The following ABI2 variants were observed in gnomAD, a reference collection of about 807,000 sequenced individuals.
ABI2 encodes the protein abl interactor 2.
ABI2 carries 25 observed loss-of-function variants against 59.2 expected under a neutral mutation model. The observed-to-expected ratio is 0.42, with a 90% CI of 0.31 to 0.59. The LOEUF (loss-of-function observed/expected upper bound fraction) is 0.59, where lower values mean the gene tolerates loss of function less well. Among genes scored for constraint, ABI2 ranks in the 20% least tolerant of loss-of-function variants. ABI2 has a pLI of 0.14. For missense variants in ABI2, 545 were observed against 681.8 expected (o/e 0.80, Z 2.23); for synonymous variants, 213 against 235.5 (o/e 0.90, Z 0.87).
At chr2:203,339,301 C>T (rs1185357039) in intron 1 of ABI2, among the ~76,000 whole-genome samples, 1 of 151,572 alleles carries the variant, frequency 6.6e-6, no homozygotes, top group Admixed American at 6.6e-5. Context: ...TGGTTCCGGC[C>T]GGGTGTGGTG....
At chr2:203,422,547 G>A (rs1367699558) in intron 11 of ABI2, among the ~76,000 whole-genome samples, 2 of 152,194 alleles carry the variant, frequency 1.3e-5, no homozygotes, top group Non-Finnish European at 2.9e-5. Context: ...TGGCTCCACA[G>A]AAGCGTAGTA....
intron 8 of ABI2, among the ~76,000 whole-genome samples, chr2:203,399,115 A>G (rs1021021305): frequency 1.3e-5 from 2 of 152,130 alleles, no homozygotes; most frequent in Admixed American, 1.3e-4. Context: ...GTCATAAGAA[A>G]CTGCCAAGTT....
In ABI2 at chr2:203,359,844, T is replaced by C. The variant is rs1428605879; in HGVS notation, c.118-7033T>C. Among the ~76,000 whole-genome samples the C allele has an allele frequency of 5.0e-5, 3 of 59,872 alleles. No individual in the cohort carries two copies. The East Asian group carries it at 7.1e-4, about 14-fold the overall frequency. 39.3% of individuals were successfully genotyped at this position (59,872 alleles called of 152,430 possible). A position where few individuals can be genotyped will look rare whatever the true frequency, so the allele number is the denominator to read the frequency against. On this transcript the variant is annotated intron_variant, in intron 1 of 11. Transcript: ENST00000261018. Reference sequence around the variant, plus strand: ...GTGTTAGGTTCCAACATGTACATTTTTGGGGGGGGGACACAAAAATTCAGA... The same window carrying C: ...GTGTTAGGTTCCAACATGTACATTTCTGGGGGGGGGACACAAAAATTCAGA...
chr2:203,417,843 A>G (rs1023551630), intron 11 of ABI2, among the ~76,000 whole-genome samples: 18 of 152,206 alleles, frequency 1.2e-4, no homozygotes, highest in African/African-American at 4.3e-4. Context: ...ACATTGAACA[A>G]CAGGCACTGG....
At chr2:203,419,044 T>A (rs2098052256) in intron 11 of ABI2, among the ~76,000 whole-genome samples, 1 of 151,492 alleles carries the variant, frequency 6.6e-6, no homozygotes, top group East Asian at 1.9e-4. Context: ...TTCAAAGTAA[T>A]GAAGGAAAAT....
intron 11 of ABI2, among the ~76,000 whole-genome samples, chr2:203,420,612 C>T (rs974097251): frequency 5.3e-5 from 8 of 152,094 alleles, no homozygotes; most frequent in Non-Finnish European, 1.2e-4. Flanking sequence ...CCAGGATGGT[C>T]TCAATCTCCT....
intron 9 of ABI2, among the ~76,000 whole-genome samples, chr2:203,404,995 T>C (rs1330669556): frequency 6.6e-6 from 1 of 152,260 alleles, no homozygotes; most frequent in Non-Finnish European, 1.5e-5. Context: ...ATAGTTTCTT[T>C]GTAAATCTGA....
intron 8 of ABI2, 114 bp downstream of exon 8, chr2:203,397,081 TAAG>T: frequency 8.0e-7 from 1 of 1,253,514 alleles, no homozygotes; most frequent in East Asian, 3.1e-5. Context: ...TAAAAAAAAA[TAAG>T]AATAATGTAC....
intron 5 of ABI2, 26 bp from the exon 6 acceptor site, chr2:203,394,674 C>T: frequency 6.2e-7 from 1 of 1,601,528 alleles, no homozygotes; most frequent in South Asian, 1.1e-5. Flanking sequence ...CTTAATCATA[C>T]AATACATACG....
intron 4 of ABI2, among the ~76,000 whole-genome samples, chr2:203,386,789 C>T (rs911083594): frequency 6.6e-6 from 1 of 151,942 alleles, no homozygotes; most frequent in African/African-American, 2.4e-5. Context: ...CAGGCATCTG[C>T]CACCATGCCC....
At chr2:203,406,593 T>C (rs1346403583) in intron 9 of ABI2, among the ~76,000 whole-genome samples, 1 of 152,220 alleles carries the variant, frequency 6.6e-6, no homozygotes. Flanking sequence ...AGCATCACCA[T>C]AAATGTCTAA....
At position 203,396,833 on chromosome 2, in the gene ABI2, C is replaced by A. The variant is rs1272714611; in HGVS notation, c.899C>A (p.Ser300Tyr). 7.2e-6 allele frequency: 11 copies of A among 1,534,994 alleles called. No individual in the cohort carries two copies. The East Asian group carries it at 2.7e-4, about 38-fold the overall frequency. The change falls in exon 8 of 12, where the codon TCT (serine) becomes TAT (tyrosine). Residue 300 changes from serine to tyrosine, a missense_variant. This residue lies in a region of ABI2 where 410 missense variants were observed against 435.6 expected (regional missense o/e 0.94). Coordinates refer to ENST00000261018, the MANE Select transcript of ABI2 (RefSeq NM_001375670.1). ...GTPPLPATSA[S>Y]APAPLVPATV... ...CCTCCCCTTCCTGCTACTTCTGCATCTGCCCCTGCTCCTCTTGTTCCTGCT... is the reference window on the plus strand; with the variant it reads ...CCTCCCCTTCCTGCTACTTCTGCATATGCCCCTGCTCCTCTTGTTCCTGCT...
At chr2:203,365,608 T>C (rs1258914353) in intron 1 of ABI2, among the ~76,000 whole-genome samples, 1 of 150,888 alleles carries the variant, frequency 6.6e-6, no homozygotes, top group Non-Finnish European at 1.5e-5. Context: ...CTACGTGTTT[T>C]CTGGGGCTGT....
At chr2:203,400,929 T>C (rs936887048) in intron 8 of ABI2, among the ~76,000 whole-genome samples, 2 of 152,232 alleles carry the variant, frequency 1.3e-5, no homozygotes, top group African/African-American at 4.8e-5. Context: ...CTGCAGTGTT[T>C]GATCATGAAG....
intron 2 of ABI2, among the ~76,000 whole-genome samples, chr2:203,376,733 C>CTT (rs370295013): frequency 0.4 from 45,716 of 113,470 alleles, 10,012 homozygotes; most frequent in Middle Eastern, 0.63. Context: ...TTGGTCTTCC[C>CTT]TTTTTTTTTT....
intron 1 of ABI2, among the ~76,000 whole-genome samples, chr2:203,339,598 GAAAAAGAA>G (rs1180873609): frequency 6.9e-6 from 1 of 144,766 alleles, no homozygotes; most frequent in Admixed American, 6.9e-5. Context: ...AAAAAAAAAA[GAAAAAGAA>G]AAAAAGAAAA....
At chr2:203,425,544 A>T (rs936063417) in intron 11 of ABI2, among the ~76,000 whole-genome samples, 3 of 152,208 alleles carry the variant, frequency 2.0e-5, no homozygotes, top group Non-Finnish European at 2.9e-5. Flanking sequence ...GTCTTTCCTT[A>T]AAAAAACACT....
At position 203,427,518 on chromosome 2, in the gene ABI2, GTC is replaced by G; in HGVS notation, c.*168_*169del. 1 of 584,004 alleles carries G rather than the reference GTC, an allele frequency of 1.7e-6. No individual in the cohort carries two copies. Among genetic ancestry groups the G allele is most frequent in the Non-Finnish European group, 2.9e-6 (1 of 340,940 alleles). The allele number at this position is 584,004 out of a possible 1,614,324, so 36.2% of individuals were successfully genotyped here. ...CAGTATTAAAAACAAAGCAAGCTGA[GTC>G]TGAACAAATGGATCTTTCTGCCATC... On this transcript the variant is annotated 3_prime_UTR_variant, in exon 12 of 12. Transcript: ENST00000261018.
chr2:203,350,606 C>T (rs2087342433), intron 1 of ABI2, among the ~76,000 whole-genome samples: 1 of 148,660 alleles, frequency 6.7e-6, no homozygotes, highest in African/African-American at 2.5e-5. Flanking sequence ...GTGGCGTGAT[C>T]TCGGCTCACT....
Sources: allele counts gnomAD v4.1 joint callset (sites outside exome capture counted in the v4.1 genomes callset), GRCh38; gene constraint gnomAD v4.1.1; regional missense constraint gnomAD v4.1.1; transcripts MANE v1.5; gene names NCBI Gene and HGNC (gene_info 2026-07-23, HGNC 2026-07-21).